The following PFKFB3 variants were observed in gnomAD, a reference collection of about 807,000 sequenced individuals.
The protein encoded by PFKFB3 is 6-phosphofructo-2-kinase/fructose-2,6-bisphosphatase 3.
In PFKFB3, 33 loss-of-function variants were observed where a neutral mutation model predicts 68.0. That is an observed-to-expected ratio of 0.49 (90% CI 0.37 to 0.65). PFKFB3 has a LOEUF of 0.65. Among genes scored for constraint, PFKFB3 ranks in the 30% least tolerant of loss-of-function variants. PFKFB3 has a pLI of 0.00. For synonymous variants in PFKFB3, 315 were observed against 288.2 expected (o/e 1.09, Z -0.94); for missense variants, 586 against 712.2 (o/e 0.82, Z 2.02).
chr10:6,218,253 C>T (rs1844721923), intron 6 of PFKFB3, among the ~76,000 whole-genome samples: 1 of 152,244 alleles, frequency 6.6e-6, no homozygotes, highest in East Asian at 1.9e-4. Context: ...TGTCCACTAG[C>T]AGATAATCAT....
chr10:6,290,120 T>C, the PFKFB3 span, among the ~76,000 whole-genome samples: 1 of 152,034 alleles, frequency 6.6e-6, no homozygotes, highest in Non-Finnish European at 1.5e-5. Context: ...ACAGTGGGGG[T>C]TTCTAGATAT....
intron 1 of PFKFB3, among the ~76,000 whole-genome samples, chr10:6,192,718 G>A (rs1177863581): frequency 7.0e-6 from 1 of 143,658 alleles, no homozygotes; most frequent in Non-Finnish European, 1.5e-5. Flanking sequence ...TGTGTTGGGG[G>A]ATGTCACTGA....
intron 10 of PFKFB3, among the ~76,000 whole-genome samples, chr10:6,222,511 C>T (rs899935228): frequency 2.0e-5 from 3 of 152,240 alleles, no homozygotes; most frequent in African/African-American, 4.8e-5. Flanking sequence ...CCCGCCTGCC[C>T]GGCCCAGCCC....
the PFKFB3 span, among the ~76,000 whole-genome samples, chr10:6,311,612 G>A: frequency 6.6e-6 from 1 of 152,110 alleles, no homozygotes; most frequent in African/African-American, 2.4e-5. Context: ...AGCCGAGTGT[G>A]GTGGCGGGCG....
At chr10:6,309,134 C>CA in the PFKFB3 span, among the ~76,000 whole-genome samples, 3 of 151,966 alleles carry the variant, frequency 2.0e-5, no homozygotes, top group East Asian at 1.9e-4. Context: ...GATTCTGATT[C>CA]AAAAAAATTG....
chr10:6,275,948 A>T, the PFKFB3 span, among the ~76,000 whole-genome samples: 1 of 152,090 alleles, frequency 6.6e-6, no homozygotes, highest in East Asian at 1.9e-4. This position sits in a 1 kb window ranked among gnomAD's most constrained non-coding sequence, Gnocchi z 4.9. Context: ...GGCTTTCTTC[A>T]TGCTGGAGTA....
rs1311970787 is a variant in PFKFB3 at position 6,234,931 on chromosome 10, T to C, written c.*1989T>C. On this transcript the variant is annotated 3_prime_UTR_variant, in exon 15 of 15. Coordinates refer to ENST00000379775, the MANE Select transcript of PFKFB3 (RefSeq NM_004566.4). ...TAGATAGGGAGAGAGGTAACATGAATCTGGACAGGGAGGGAGATACTATAG... is the reference window on the plus strand; with the variant it reads ...TAGATAGGGAGAGAGGTAACATGAACCTGGACAGGGAGGGAGATACTATAG... The C allele has an allele frequency of 1.3e-5, 2 of 150,542 alleles. No individual in the cohort carries two copies. Among genetic ancestry groups the C allele is most frequent in the Admixed American group, 1.4e-4 (2 of 14,748 alleles). The allele number at this position is 150,542 out of a possible 1,614,324, so 9.3% of individuals were successfully genotyped here. A position where few individuals can be genotyped will look rare whatever the true frequency, so the allele number is the denominator to read the frequency against.
intron 1 of PFKFB3, chr10:6,149,806 T>C (rs1417034836): frequency 6.5e-6 from 1 of 153,528 alleles, no homozygotes. Flanking sequence ...TCATCTTCAG[T>C]CAAGGGTACA....
chr10:6,150,252 G>T (rs1289097982), intron 1 of PFKFB3, among the ~76,000 whole-genome samples: 1 of 152,218 alleles, frequency 6.6e-6, no homozygotes, highest in East Asian at 1.9e-4. Flanking sequence ...CCTGGTGGTA[G>T]CAAGTGTTTC....
intron 1 of PFKFB3, chr10:6,149,750 C>T (rs1841516787): frequency 6.3e-6 from 1 of 157,988 alleles, no homozygotes; most frequent in African/African-American, 2.4e-5. Flanking sequence ...CCTCCCAAAG[C>T]TGTGTGCTCG....
At chr10:6,256,766 G>C (rs943243563), downstream of PFKFB3, among the ~76,000 whole-genome samples, 4 of 152,218 alleles carry the variant, frequency 2.6e-5, no homozygotes, top group African/African-American at 9.7e-5. Flanking sequence ...TTCAGACCTG[G>C]ATAGGATGTT....
chr10:6,161,625 CAT>C lies in PFKFB3; in HGVS notation c.16+16624_16+16625del, dbSNP rs532650394. ...ACACACATATATATACACACACACA[CAT>C]ATATATATATAGAGAGAGAGAGAGA... On this transcript the variant is annotated intron_variant, in intron 1 of 14. Coordinates refer to the PFKFB3 transcript ENST00000379789. Among the ~76,000 whole-genome samples the C allele has an allele frequency of 1.6e-4, 13 of 82,244 alleles. 1 individual carries two copies. The South Asian group carries it at 3.8e-3, about 24-fold the overall frequency. 54.0% of individuals were successfully genotyped at this position (82,244 alleles called of 152,430 possible).
chr10:6,238,477 CAAA>C (rs71390201), downstream of PFKFB3, among the ~76,000 whole-genome samples: 730 of 89,332 alleles, frequency 8.2e-3, no homozygotes, highest in African/African-American at 0.048. Flanking sequence ...GGTGCCATCT[CAAA>C]AAAAAAAAAA....
intron 8 of PFKFB3, among the ~76,000 whole-genome samples, chr10:6,221,103 G>A (rs917218147): frequency 6.6e-6 from 1 of 152,226 alleles, no homozygotes; most frequent in Non-Finnish European, 1.5e-5. Flanking sequence ...GTGTGTCTTT[G>A]TGTTACTTTG....
intron 2 of PFKFB3, among the ~76,000 whole-genome samples, chr10:6,214,136 A>G (rs1245019316): frequency 1.3e-5 from 2 of 152,148 alleles, no homozygotes; most frequent in African/African-American, 2.4e-5. Flanking sequence ...GTGGACTGCT[A>G]TGTTGGGTGG....
At chr10:6,224,863 T>C (rs2132006051) in intron 13 of PFKFB3, among the ~76,000 whole-genome samples, 1 of 152,156 alleles carries the variant, frequency 6.6e-6, no homozygotes, top group Admixed American at 6.5e-5. Flanking sequence ...GCTTTCAGTT[T>C]CCAGAGTTAC....
At chr10:6,242,820 T>A (rs1846169256) in intron 14 of PFKFB3, among the ~76,000 whole-genome samples, 2 of 152,216 alleles carry the variant, frequency 1.3e-5, no homozygotes. Flanking sequence ...ACTCTTGACC[T>A]GAGGTGATCC....
rs1030828666 is a variant in PFKFB3 at position 6,228,513 on chromosome 10, G to A, written c.1515+2148G>A. Among the ~76,000 whole-genome samples the A allele has an allele frequency of 1.3e-5, 2 of 152,024 alleles. No individual in the cohort carries two copies. Among genetic ancestry groups the A allele is most frequent in the Non-Finnish European group, 2.9e-5 (2 of 68,016 alleles). On this transcript the variant is annotated intron_variant, in intron 14 of 14. Coordinates refer to ENST00000379775, the MANE Select transcript of PFKFB3 (RefSeq NM_004566.4). This position sits in a 1 kb window ranked among gnomAD's most constrained non-coding sequence, Gnocchi z 4.5. ...CTGCAGGTCGTGGTGTGTAATGGCC[G>A]TGGTTTAGGGCTCGGCATAAATCCA... is the stretch of plus-strand genomic sequence containing the variant.
intron 14 of PFKFB3, 130 bp downstream of exon 14, chr10:6,226,495 TGTAG>T: frequency 1.3e-6 from 1 of 792,110 alleles, no homozygotes; most frequent in Non-Finnish European, 2.0e-6. Flanking sequence ...GTGCGTATGT[TGTAG>T]GTGTCTGTGC....
Sources: gnomAD v4.1 joint callset for allele counts (sites outside exome capture counted in the v4.1 genomes callset) on GRCh38, gnomAD v4.1.1 for gene constraint, Gnocchi (gnomAD v3.1) non-coding constraint, MANE v1.5 for transcripts, NCBI Gene and HGNC (gene_info 2026-07-23, HGNC 2026-07-21) for gene names.